Variants in LTBP1 observed in about 807,000 individuals in gnomAD.
The protein encoded by LTBP1 is latent transforming growth factor beta binding protein 1.
Under a neutral mutation model 207.6 loss-of-function variants are expected in LTBP1, and 129 were observed. That is an observed-to-expected ratio of 0.62 (90% confidence interval 0.54 to 0.72). The LOEUF is 0.72. LTBP1 is among the 30% of genes least tolerant of loss of function. The pLI, the probability that LTBP1 is intolerant of heterozygous loss-of-function variation, is 0.00. For synonymous variants in LTBP1, 963 were observed against 833.7 expected (o/e 1.16, Z -2.67); for missense variants, 2,281 against 2,217.2 (o/e 1.03, Z -0.58).
chr2:33,294,152 CACG>C (rs1380916917), intron 20 of LTBP1, among the ~76,000 whole-genome samples: 2 of 151,708 alleles, frequency 1.3e-5, no homozygotes, highest in African/African-American at 4.8e-5. Flanking sequence ...ATTACAGGCA[CACG>C]CCACCACGCC....
chr2:33,135,265 G>C (rs1240184399), intron 5 of LTBP1, among the ~76,000 whole-genome samples: 14 of 152,178 alleles, frequency 9.2e-5, no homozygotes, highest in Admixed American at 9.2e-4. Flanking sequence ...TAGACCCTAA[G>C]GCATGACTTG....
intron 25 of LTBP1, among the ~76,000 whole-genome samples, chr2:33,343,792 C>T (rs2094664139): frequency 6.6e-6 from 1 of 152,192 alleles, no homozygotes; most frequent in East Asian, 1.9e-4. Flanking sequence ...CAAATGCTCA[C>T]ACAGAAAATA....
At chr2:33,174,020 C>G (rs1346460626) in intron 5 of LTBP1, among the ~76,000 whole-genome samples, 1 of 138,950 alleles carries the variant, frequency 7.2e-6, no homozygotes, top group Non-Finnish European at 1.6e-5. Flanking sequence ...ATAATAAGAG[C>G]TATCTATGAC....
chr2:33,163,751 A>C (rs971493469), intron 5 of LTBP1, among the ~76,000 whole-genome samples: 2 of 152,184 alleles, frequency 1.3e-5, no homozygotes, highest in Non-Finnish European at 2.9e-5. Flanking sequence ...AAAACATATA[A>C]GGTTTGGGGG....
intron 5 of LTBP1, among the ~76,000 whole-genome samples, chr2:33,173,214 G>C (rs1175716365): frequency 1.6e-4 from 24 of 152,008 alleles, no homozygotes; most frequent in Admixed American, 1.6e-3. Flanking sequence ...ATGAATCCAG[G>C]AACTGGTTTT....
At chr2:33,271,931 A>G (rs1482187095) in intron 15 of LTBP1, among the ~76,000 whole-genome samples, 1 of 152,190 alleles carries the variant, frequency 6.6e-6, no homozygotes, top group African/African-American at 2.4e-5. Context: ...TATTTTTCCT[A>G]TAATTTGATA....
At chr2:33,360,826 G>T in intron 27 of LTBP1, 47 bp downstream of exon 27, 5 of 1,546,230 alleles carry the variant, frequency 3.2e-6, no homozygotes, top group South Asian at 1.1e-5. Flanking sequence ...TTGGTCACAT[G>T]GTGTCCCTGG....
chr2:33,277,795 T>TTCTCTCTCTCTCTCTCTCTC (rs755630785), intron 18 of LTBP1, among the ~76,000 whole-genome samples: 1 of 107,968 alleles, frequency 9.3e-6, no homozygotes, highest in Non-Finnish European at 1.9e-5. Context: ...CTTTCTTTCT[T>TTCTCTCTCTCTCTCTCTCTC]TCTCTCTCTC....
intron 24 of LTBP1, among the ~76,000 whole-genome samples, chr2:33,325,517 A>G (rs2094415392): frequency 6.6e-6 from 1 of 152,228 alleles, no homozygotes; most frequent in African/African-American, 2.4e-5. Context: ...TAAATTTAGA[A>G]GACATTTATT....
intron 2 of LTBP1, among the ~76,000 whole-genome samples, chr2:32,968,303 C>T (rs1019652337): frequency 6.6e-6 from 1 of 152,126 alleles, no homozygotes; most frequent in Non-Finnish European, 1.5e-5. Context: ...GGTGCTCTGT[C>T]ATTAGGTGCG....
chr2:33,377,751 T>C (rs560291763), intron 31 of LTBP1, among the ~76,000 whole-genome samples: 40 of 152,274 alleles, frequency 2.6e-4, no homozygotes, highest in African/African-American at 9.1e-4. Flanking sequence ...ATGGGTAATT[T>C]ATAAAGAACA....
chr2:33,308,324 G>T (rs371165655), intron 22 of LTBP1, among the ~76,000 whole-genome samples: 209 of 152,312 alleles, frequency 1.4e-3, no homozygotes, highest in African/African-American at 4.7e-3. Context: ...ACTTTTAGTT[G>T]CGCATTTGCT....
chr2:33,277,795 T>TTCTTTCTCTCTCTCTCTCTCTC (rs1394277684), intron 18 of LTBP1, among the ~76,000 whole-genome samples: 1 of 107,968 alleles, frequency 9.3e-6, no homozygotes, highest in African/African-American at 4.0e-5. Flanking sequence ...CTTTCTTTCT[T>TTCTTTCTCTCTCTCTCTCTCTC]TCTCTCTCTC....
chr2:33,365,351 A>T lies in LTBP1; in HGVS notation c.4559A>T (p.Asp1520Val). The T allele has an allele frequency of 6.2e-7, 1 of 1,614,174 alleles. No homozygotes were observed. The highest frequency in any genetic ancestry group is 8.5e-7 in the Non-Finnish European group (1 of 1,180,010). ...AESNEQIEETDVYQDLCWEHL... is the reference protein window; with the variant it reads ...AESNEQIEETVVYQDLCWEHL... Reference sequence around the variant, plus strand: ...CTTTCAGAACAAATAGAAGAAACTGATGTCTACCAAGATTTGTGCTGGGAA... The same window carrying T: ...CTTTCAGAACAAATAGAAGAAACTGTTGTCTACCAAGATTTGTGCTGGGAA... The change falls in exon 31 of 34, where the codon GAT becomes GTT. Residue 1520 changes from aspartate (D) to valine (V), a missense_variant. By Grantham distance (152) the Asp-to-Val change is radical. This residue lies in a region of LTBP1 where 1,671 missense variants were observed against 1,634.8 expected (regional missense o/e 1.02). Transcript: ENST00000404816.
intron 5 of LTBP1, among the ~76,000 whole-genome samples, chr2:33,161,559 G>C (rs535661428): frequency 3.6e-4 from 55 of 152,258 alleles, no homozygotes; most frequent in Non-Finnish European, 6.6e-4. Flanking sequence ...GAGCCACCAC[G>C]CCCGGCCAGG....
chr2:33,351,702 C>T (rs913490609), intron 26 of LTBP1, among the ~76,000 whole-genome samples: 4 of 152,130 alleles, frequency 2.6e-5, no homozygotes, highest in Non-Finnish European at 5.9e-5. Context: ...ATCCCAGAGT[C>T]GTCTTCTGAA....
chr2:33,341,729 A>AAAAAAAAAATATATATATATATATAT (rs745445793), intron 24 of LTBP1, among the ~76,000 whole-genome samples: 1 of 93,636 alleles, frequency 1.1e-5, no homozygotes, highest in African/African-American at 5.1e-5. Context: ...AAAAAAAAAA[A>AAAAAAAAAATATATATATATATATAT]ATATATATAT....
chr2:33,375,928 C>G (rs1253145184), intron 31 of LTBP1, among the ~76,000 whole-genome samples: 1 of 151,654 alleles, frequency 6.6e-6, no homozygotes, highest in East Asian at 1.9e-4. Flanking sequence ...TCAACTTTCA[C>G]ATTTTATCAT....
intron 11 of LTBP1, among the ~76,000 whole-genome samples, chr2:33,254,549 G>GTTTTT (rs531576154): frequency 1.0e-5 from 1 of 95,580 alleles, no homozygotes; most frequent in Admixed American, 1.1e-4. Flanking sequence ...TTTAAACTTG[G>GTTTTT]TTTTTTTTTT....
Sources: allele counts gnomAD v4.1 joint callset (sites outside exome capture counted in the v4.1 genomes callset), GRCh38; gene constraint gnomAD v4.1.1; regional missense constraint gnomAD v4.1.1; transcripts MANE v1.5; gene names NCBI Gene and HGNC (gene_info 2026-07-23, HGNC 2026-07-21).